The following CPT1B variants were observed in gnomAD, a reference collection of about 807,000 sequenced individuals.
CPT1B encodes the protein carnitine palmitoyltransferase 1B, also known as carnitine O-palmitoyltransferase 1, muscle isoform.
Under a neutral mutation model 92.7 loss-of-function variants are expected in CPT1B, and 57 were observed. The ratio of observed to expected loss-of-function variants is 0.62; its 90% CI spans 0.50 to 0.77. CPT1B has a LOEUF of 0.77. CPT1B is among the 30% of genes least tolerant of loss of function. The probability of loss-of-function intolerance (pLI) is 0.00; values close to 1 mark genes in which losing one functional copy is unlikely to be tolerated. For missense variants in CPT1B, 983 were observed against 1,017.4 expected, an observed-to-expected ratio of 0.97 and a Z score of 0.46; for synonymous variants, 398 against 383.5, an observed-to-expected ratio of 1.04 and a Z score of -0.44.
rs2070303200 is a variant in CPT1B at position 50,573,787 on chromosome 22, C to T, written c.971-72G>A. ...TCCTGGGAAGGGCCCACCTCCCATGCACTAGGTGACCCCTGCAGACCCTGT... is the reference window on the plus strand; with the variant it reads ...TCCTGGGAAGGGCCCACCTCCCATGTACTAGGTGACCCCTGCAGACCCTGT... On this transcript the variant is annotated intron_variant, in intron 9 of 19. Transcript: ENST00000312108. The surrounding 1 kb of genome is among the most constrained non-coding windows in gnomAD (Gnocchi z 5.0). The T allele has an allele frequency of 7.3e-7, 1 of 1,363,442 alleles. No individual in the cohort carries two copies. Among genetic ancestry groups the T allele is most frequent in the Non-Finnish European group, 1.0e-6 (1 of 971,380 alleles). The allele number at this position is 1,363,442 out of a possible 1,614,324, so 84.5% of individuals were successfully genotyped here.
In CPT1B at chr22:50,573,579, G is replaced by A. The variant is rs746344053; in HGVS notation, c.1107C>T (p.Asp369=). 1.6e-5 allele frequency: 26 copies of A among 1,613,488 alleles called. No homozygotes were observed. Among genetic ancestry groups the A allele is most frequent in the South Asian group, 8.8e-5 (8 of 91,090 alleles). The change falls in exon 10 of 20, where the codon GAC becomes GAT. Residue 369 remains aspartate, a synonymous_variant. Transcript: ENST00000312108. The surrounding 1 kb of genome is among the most constrained non-coding windows in gnomAD (Gnocchi z 5.0). ...CCCCAGGCTGAGGTGGGGAGGGGTC[G>A]TCCAGGATCCTCTGGAACTGCATCT... ...DLEMQFQRIL[D]DPSPPQPGEE...
chr22:50,573,112 G>T lies in CPT1B; in HGVS notation c.1167-52C>A. The T allele has an allele frequency of 6.7e-7, 1 of 1,485,036 alleles. No homozygotes were observed. Among genetic ancestry groups the T allele is most frequent in the Non-Finnish European group, 9.2e-7 (1 of 1,089,202 alleles). The allele number at this position is 1,485,036 out of a possible 1,614,324, so 92.0% of individuals were successfully genotyped here. A position where few individuals can be genotyped will look rare whatever the true frequency, so the allele number is the denominator to read the frequency against. Reference sequence around the variant, plus strand: ...GGGCACGTGGACTTGGGATGAGGGTGCCTCTGAGGGCCTGGCTGGACCTGG... The same window carrying T: ...GGGCACGTGGACTTGGGATGAGGGTTCCTCTGAGGGCCTGGCTGGACCTGG... On this transcript the variant is annotated intron_variant, in intron 10 of 19. Transcript: ENST00000312108. The surrounding 1 kb of genome is among the most constrained non-coding windows in gnomAD (Gnocchi z 5.0).
Position 50,572,132 on chromosome 22 carries a change from G to C in CPT1B, c.1459-10C>G, listed in dbSNP as rs1216261886. ...CTGTGCCCAGGACAAACTGCAGGGA[G>C]AGGATGAGACTGAGAGGCTGGCCTC... On this transcript the variant is annotated splice_polypyrimidine_tract_variant and intron_variant, in intron 12 of 19. Transcript: ENST00000312108. The C allele has an allele frequency of 1.2e-6, 2 of 1,613,896 alleles. No individual in the cohort carries two copies. The highest frequency in any genetic ancestry group is 2.2e-5 in the South Asian group (2 of 91,082).
In CPT1B at chr22:50,576,282, C is replaced by G; in HGVS notation, c.615G>C (p.Glu205Asp). The G allele has an allele frequency of 5.0e-6, 8 of 1,614,120 alleles. No individual in the cohort carries two copies. Among genetic ancestry groups the G allele is most frequent in the Non-Finnish European group, 6.8e-6 (8 of 1,180,042 alleles). ...TGTCCTGGAATTCTTTGGCCAGCAA[C>G]TCCATGCGGTAATATTCCTCATCAT... is the stretch of plus-strand genomic sequence containing the variant. ...LLDDEEYYRM[E>D]LLAKEFQDKT... The change falls in exon 6 of 20, where the codon GAG (glutamate) becomes GAC (aspartate). Residue 205 changes from glutamate to aspartate, a missense_variant. Coordinates refer to ENST00000312108, the MANE Select transcript of CPT1B (RefSeq NM_152246.3).
Position 50,572,074 on chromosome 22 carries a change from G to A in CPT1B, c.1507C>T (p.His503Tyr). The change falls in exon 13 of 20, where the codon CAC becomes TAC. Residue 503 changes from histidine (H) to tyrosine (Y), a missense_variant. His to Tyr is a moderately conservative substitution (Grantham distance 83). Transcript: ENST00000312108. ...SFHLGYTETG[H>Y]CLGKPNPALA... ...GCAGGGTTCGGTTTGCCCAGGCAGT[G>A]CCCGGTCTCCGTGTAGCCCAGGTGG... The A allele has an allele frequency of 6.2e-7, 1 of 1,614,166 alleles. No homozygotes were observed. Among genetic ancestry groups the A allele is most frequent in the Non-Finnish European group, 8.5e-7 (1 of 1,180,010 alleles).
rs969544296 is a variant in CPT1B at position 50,573,979 on chromosome 22, A to G, written c.971-264T>C. The G allele has an allele frequency of 1.4e-6, 1 of 700,608 alleles. No individual in the cohort carries two copies. The highest frequency in any genetic ancestry group is 1.8e-5 in the African/African-American group (1 of 57,016). 43.4% of individuals were successfully genotyped at this position (700,608 alleles called of 1,614,324 possible). A position where few individuals can be genotyped will look rare whatever the true frequency, so the allele number is the denominator to read the frequency against. On this transcript the variant is annotated intron_variant, in intron 9 of 19. Transcript: ENST00000312108. The surrounding 1 kb of genome is among the most constrained non-coding windows in gnomAD (Gnocchi z 5.0). ...CACTAGAGGGTTGTGCAAACCGCCT[A>G]AGGATACAGTGTCAGAAGCAGGGAA...
At position 50,570,185 on chromosome 22, in the gene CPT1B, C is replaced by G; in HGVS notation, c.2142+108G>C. ...CCATGCAGGTCTGGGGTTATGCTCT[C>G]CTCTAAGCAAGGTGCTCCTGCCTCT... On this transcript the variant is annotated intron_variant, in intron 17 of 19. Coordinates refer to ENST00000312108, the MANE Select transcript of CPT1B (RefSeq NM_152246.3). The G allele has an allele frequency of 1.3e-5, 10 of 799,858 alleles. No individual in the cohort carries two copies. In the South Asian group the frequency reaches 1.9e-4, roughly 15 times the overall value. 49.5% of individuals were successfully genotyped at this position (799,858 alleles called of 1,614,324 possible).
At position 50,570,332 on chromosome 22, in the gene CPT1B, C is replaced by A; in HGVS notation, c.2103G>T (p.Gln701His). The A allele has an allele frequency of 6.2e-7, 1 of 1,603,464 alleles. No individual in the cohort carries two copies. The highest frequency in any genetic ancestry group is 8.5e-7 in the Non-Finnish European group (1 of 1,173,144). The change falls in exon 17 of 20, where the codon CAG becomes CAT. Residue 701 changes from glutamine to histidine, a missense_variant. Transcript: ENST00000312108. ...CTCCAGCGCCCAGGTGATTGGGGTG[C>A]TGCTCTGGGTCGAACATGCGGATCT... ...QSQIRMFDPEQHPNHLGAGGG... is the reference protein window; with the variant it reads ...QSQIRMFDPEHHPNHLGAGGG...
intron 11 of CPT1B, among the ~76,000 whole-genome samples, chr22:50,572,575 C>A (rs1603443309): frequency 6.6e-6 from 1 of 152,258 alleles, no homozygotes; most frequent in Admixed American, 6.5e-5. Flanking sequence ...TGCCACCATG[C>A]CCGGCTTTTA....
intron 19 of CPT1B, 83 bp from the exon 20 acceptor site, chr22:50,569,164 C>T (rs905874506): frequency 2.4e-5 from 14 of 591,724 alleles, no homozygotes; most frequent in African/African-American, 1.3e-4. Flanking sequence ...GCTCCAACCC[C>T]ACCTCCACCA....
chr22:50,570,719 A>T (rs1000011939), intron 16 of CPT1B, among the ~76,000 whole-genome samples, 172 bp downstream of exon 16: 2 of 152,220 alleles, frequency 1.3e-5, no homozygotes, highest in Non-Finnish European at 2.9e-5. Flanking sequence ...GCTCCTGCTC[A>T]GTCCCAGGAC....
chr22:50,575,180 A>C (rs1403241021), intron 7 of CPT1B, among the ~76,000 whole-genome samples: 1 of 151,702 alleles, frequency 6.6e-6, no homozygotes, highest in African/African-American at 2.4e-5. Context: ...CGCCCGGCTA[A>C]TTTTTTGTAT....
chr22:50,574,447 C>G (rs1395574437), intron 8 of CPT1B, 28 bp from the exon 9 acceptor site: 2 of 1,613,908 alleles, frequency 1.2e-6, no homozygotes, highest in Non-Finnish European at 1.7e-6. Flanking sequence ...ATGGCTCAGA[C>G]TCAGGTCTCC....
In CPT1B at chr22:50,571,167, C is replaced by T. The variant is rs1017847866; in HGVS notation, c.1866G>A (p.Gly622=). 1 of 1,614,118 alleles carries T rather than the reference C, an allele frequency of 6.2e-7. No homozygotes were observed. The change falls in exon 15 of 20, where the codon GGG becomes GGA. Residue 622 remains glycine, a synonymous_variant. Coordinates refer to ENST00000312108, the MANE Select transcript of CPT1B (RefSeq NM_152246.3). ...GGCAGAGGACACTTACTGTGTGGGA[C>T]CCCTCCATCATGGCCTGCACAAAGG... ...STAFVQAMME[G]SHTKADLRDL...
In CPT1B at chr22:50,576,288, GC is replaced by G; in HGVS notation, c.608del (p.Arg203ProfsTer32). On this transcript the variant is annotated frameshift_variant, in exon 6 of 20. Transcript: ENST00000312108. LOFTEE classifies it high-confidence loss of function. ...GGAATTCTTTGGCCAGCAACTCCAT[GC>G]GGTAATATTCCTCATCATCCAACAA... is the stretch of plus-strand genomic sequence containing the variant. ...RPLLDDEEYY[R>X]MELLAKEFQD... 1 of 1,614,066 alleles carries G rather than the reference GC, an allele frequency of 6.2e-7. No individual in the cohort carries two copies. The highest frequency in any genetic ancestry group is 8.5e-7 in the Non-Finnish European group (1 of 1,180,028).
At chr22:50,576,424 C>T (rs2070439670) in intron 5 of CPT1B, 89 bp from the exon 6 acceptor site, 2 of 1,604,764 alleles carry the variant, frequency 1.2e-6, no homozygotes. Flanking sequence ...CCTCACCCAG[C>T]CCCATTATTC....
chr22:50,578,511 C>G (rs1419697202), upstream of CPT1B: 1 of 156,188 alleles, frequency 6.4e-6, no homozygotes, highest in African/African-American at 2.4e-5. Context: ...AAATCGGGGT[C>G]GGGGAAAAAC....
At chr22:50,577,560 G>A (rs2070510716) in intron 2 of CPT1B, 97 bp from the exon 3 acceptor site, 1 of 1,518,616 alleles carries the variant, frequency 6.6e-7, no homozygotes, top group Non-Finnish European at 8.9e-7. Context: ...GGCCTGGAAG[G>A]CTTTCTCTCC....
chr22:50,574,207 T>A, intron 9 of CPT1B, 128 bp downstream of exon 9: 1 of 745,198 alleles, frequency 1.3e-6, no homozygotes, highest in South Asian at 1.6e-5. Flanking sequence ...ATGTCTAGTA[T>A]CTGTCACAAT....
Sources: allele counts gnomAD v4.1 joint callset (sites outside exome capture counted in the v4.1 genomes callset), GRCh38; gene constraint gnomAD v4.1.1; non-coding constraint Gnocchi (gnomAD v3.1); transcripts MANE v1.5; gene names NCBI Gene and HGNC (gene_info 2026-07-23, HGNC 2026-07-21).